Variants in INSM2 observed in about 807,000 individuals in gnomAD.
INSM2 encodes INSM transcriptional repressor 2, also known as insulinoma-associated protein 2.
A neutral mutation model predicts 30.5 loss-of-function variants in INSM2; 12 were observed. The observed-to-expected ratio is 0.39, with a 90% confidence interval of 0.25 to 0.64. The LOEUF (loss-of-function observed/expected upper bound fraction) is 0.64. Ranked by LOEUF, INSM2 falls within the 30% of genes least tolerant of loss-of-function variation. INSM2 has a pLI of 0.47. For synonymous variants in INSM2, 418 were observed against 383.7 expected (o/e 1.09, Z -1.05); for missense variants, 773 against 819.2 (o/e 0.94, Z 0.69).
rs1174389044 is a variant in INSM2, at chr14:35,535,614, T to C, written c.1362T>C (p.Arg454=). 6.8e-6 allele frequency: 11 copies of C among 1,613,112 alleles called. No homozygotes were observed. Among genetic ancestry groups the C allele is most frequent in the Non-Finnish European group, 9.3e-6 (11 of 1,179,986 alleles). ...HLSTHEAGSA[R]ALAPGFGSER... is the part of the protein sequence containing the mutation. ...GCACTCACGAGGCGGGCTCGGCCCG[T>C]GCGCTAGCGCCGGGCTTTGGCTCCG... is the stretch of plus-strand genomic sequence containing the variant. The change falls in exon 1 of 1, where the codon CGT becomes CGC. Residue 454 remains arginine (R), a synonymous_variant. Transcript: ENST00000307169.
Position 35,534,876 on chromosome 14 carries a change from G to T in INSM2, c.624G>T (p.Ala208=). The change falls in exon 1 of 1, where the codon GCG becomes GCT. Residue 208 remains alanine, a synonymous_variant. Transcript: ENST00000307169. Reference sequence around the variant, plus strand: ...GCGGCAAGGCACCCACGGACTGCGCGTCTGGACCCGCGGCCGCGGGAATCA... The same window carrying T: ...GCGGCAAGGCACCCACGGACTGCGCTTCTGGACCCGCGGCCGCGGGAATCA... ...ERRGKAPTDC[A]SGPAAAGIKK... is the part of the protein sequence containing the mutation. 3 of 1,586,918 alleles carry T rather than the reference G, an allele frequency of 1.9e-6. No individual in the cohort carries two copies. The highest frequency in any genetic ancestry group is 2.6e-6 in the Non-Finnish European group (3 of 1,170,590).
chr14:35,535,652 C>T lies in INSM2; in HGVS notation c.1400C>T (p.Pro467Leu). 1 of 1,613,214 alleles carries T rather than the reference C, an allele frequency of 6.2e-7. No individual in the cohort carries two copies. The highest frequency in any genetic ancestry group is 8.5e-7 in the Non-Finnish European group (1 of 1,180,030). The change falls in exon 1 of 1, where the codon CCA (proline) becomes CTA (leucine). Residue 467 changes from proline to leucine, a missense_variant. Pro to Leu is a moderately conservative substitution (Grantham distance 98). Transcript: ENST00000307169. Reference protein sequence around the residue: ...APGFGSERGAPLAFACPLCGA... With the variant: ...APGFGSERGALLAFACPLCGA... The stretch of plus-strand genomic sequence containing the variant: ...GGCTTTGGCTCCGAACGCGGTGCCC[C>T]ACTTGCCTTCGCTTGCCCATTGTGC...
In INSM2 at chr14:35,536,097, TC is replaced by T; in HGVS notation, c.*146del. On this transcript the variant is annotated 3_prime_UTR_variant, in exon 1 of 1. Coordinates refer to ENST00000307169, the MANE Select transcript of INSM2 (RefSeq NM_032594.4). ...CTAAAATTCTCCCTGTAGTCAATGT[TC>T]CACCAGAGGAGCGGACAGTGAAATG... is the stretch of plus-strand genomic sequence containing the variant. 2.0e-6 allele frequency: 2 copies of T among 991,990 alleles called. No homozygotes were observed. The highest frequency in any genetic ancestry group is 3.0e-6 in the Non-Finnish European group (2 of 667,626). 61.4% of individuals were successfully genotyped at this position (991,990 alleles called of 1,614,324 possible).
chr14:35,535,095 C>T lies in INSM2; in HGVS notation c.843C>T (p.His281=). ...QYADPFALAQ[H]RCSRIVRVEY... ...CAGACCCCTTCGCGCTGGCCCAGCA[C>T]CGCTGCTCCCGCATCGTGCGCGTAG... The change falls in exon 1 of 1, where the codon CAC becomes CAT. Residue 281 remains histidine (H), a synonymous_variant. Transcript: ENST00000307169. The T allele has an allele frequency of 6.2e-7, 1 of 1,603,266 alleles. No individual in the cohort carries two copies. Among genetic ancestry groups the T allele is most frequent in the Non-Finnish European group, 8.5e-7 (1 of 1,174,332 alleles).
At position 35,534,551 on chromosome 14, in the gene INSM2, A is replaced by G; in HGVS notation, c.299A>G (p.Glu100Gly). 7.2e-7 allele frequency: 1 copy of G among 1,395,640 alleles called. No homozygotes were observed. The highest frequency in any genetic ancestry group is 9.2e-7 in the Non-Finnish European group (1 of 1,085,456). The allele number at this position is 1,395,640 out of a possible 1,614,324, so 86.5% of individuals were successfully genotyped here. The change falls in exon 1 of 1, where the codon GAA (glutamate) becomes GGA (glycine). Residue 100 changes from glutamate (E) to glycine (G), a missense_variant. Glu to Gly is a moderately conservative substitution (Grantham distance 98). Transcript: ENST00000307169. ...GCGGAGTGGCGGGCGGGTGGCAGGG[A>G]AGGTCCCGGGCCCAGCCCCAGCCCC... The part of the protein sequence containing the change: ...EGAEWRAGGR[E>G]GPGPSPSPSP...
At position 35,535,307 on chromosome 14, in the gene INSM2, A is replaced by G. The variant is rs754374977; in HGVS notation, c.1055A>G (p.Glu352Gly). ...GGGGCCATTGCATCTTTTCTGGCGG[A>G]GGGAAAGGAGAACAGCCGAATAGAG... ...DSGAIASFLA[E>G]GKENSRIERT... Residue 352 changes from glutamate (E) to glycine (G), a missense_variant, in exon 1 of 1, where the codon GAG (glutamate) becomes GGG (glycine). Glu to Gly is a moderately conservative substitution (Grantham distance 98, BLOSUM62 -2). Coordinates refer to ENST00000307169, the MANE Select transcript of INSM2 (RefSeq NM_032594.4). 3 of 1,612,208 alleles carry G rather than the reference A, an allele frequency of 1.9e-6. No homozygotes were observed. The African/African-American group carries it at 4.0e-5, about 22-fold the overall frequency.
In INSM2 at chr14:35,535,370, C is replaced by T. The variant is rs768964005; in HGVS notation, c.1118C>T (p.Ser373Phe). The change falls in exon 1 of 1, where the codon TCC becomes TTC. Residue 373 changes from serine to phenylalanine, a missense_variant. Physicochemically the swap from Ser to Phe is radical, Grantham distance 155 (BLOSUM62 -2). Coordinates refer to ENST00000307169, the MANE Select transcript of INSM2 (RefSeq NM_032594.4). ...CAGCACCCGCAGGCCAGGGACAGCT[C>T]CGGGGCGGATCAGCACCCGGACAGC... ...ADQHPQARDS[S>F]GADQHPDSAP... 6.2e-7 allele frequency: 1 copy of T among 1,611,460 alleles called. No individual in the cohort carries two copies. Among genetic ancestry groups the T allele is most frequent in the African/African-American group, 1.3e-5 (1 of 75,034 alleles).
In INSM2 at chr14:35,535,001, C is replaced by A; in HGVS notation, c.749C>A (p.Ser250Tyr). ...KIKEEEPGAPSRGLGGSRTPL... is the reference protein window; with the variant it reads ...KIKEEEPGAPYRGLGGSRTPL... ...AAGGAGGAGGAGCCCGGAGCGCCGTCCCGGGGCTTGGGGGGCAGCCGCACG... is the reference window on the plus strand; with the variant it reads ...AAGGAGGAGGAGCCCGGAGCGCCGTACCGGGGCTTGGGGGGCAGCCGCACG... Residue 250 changes from serine (S) to tyrosine (Y), a missense_variant, in exon 1 of 1, where the codon TCC becomes TAC. Physicochemically the swap from Ser to Tyr is moderately radical, Grantham distance 144. Transcript: ENST00000307169. 6.4e-7 allele frequency: 1 copy of A among 1,570,200 alleles called. No individual in the cohort carries two copies.
chr14:35,534,200 C>G lies in INSM2; in HGVS notation c.-53C>G. On this transcript the variant is annotated 5_prime_UTR_variant, in exon 1 of 1. Coordinates refer to ENST00000307169, the MANE Select transcript of INSM2 (RefSeq NM_032594.4). ...TCTAGTTCATCTGCTGGCCGGCTCT[C>G]AGTCCCCGTGGCGCCCCCTTTCCTC... 6.5e-7 allele frequency: 1 copy of G among 1,543,012 alleles called. No homozygotes were observed. Among genetic ancestry groups the G allele is most frequent in the African/African-American group, 1.4e-5 (1 of 69,526 alleles).
rs147361408 is a variant in INSM2 at position 35,535,438 on chromosome 14, C to A, written c.1186C>A (p.Pro396Thr). 4.0e-4 allele frequency: 639 copies of A among 1,612,242 alleles called. No homozygotes were observed. The highest frequency in any genetic ancestry group is 5.2e-4 in the Non-Finnish European group (610 of 1,179,554). Reference protein sequence around the residue: ...GLQVLTHPEPPLPQGPYTEGV... With the variant: ...GLQVLTHPEPTLPQGPYTEGV... ...CCAGGTGCTGACGCATCCAGAGCCA[C>A]CGCTGCCTCAGGGCCCCTACACGGA... Residue 396 changes from proline (P) to threonine (T), a missense_variant, in exon 1 of 1, where the codon CCG becomes ACG. By Grantham distance (38) the Pro-to-Thr change is conservative (BLOSUM62 -1). Transcript: ENST00000307169.
Position 35,534,335 on chromosome 14 carries a change from T to A in INSM2, c.83T>A (p.Leu28Gln), listed in dbSNP as rs1331844549. ...RVRLAERVFP[L>Q]LGPQGAPPFL... ...CGCCTTGCGGAGCGTGTCTTCCCTC[T>A]GCTGGGGCCCCAGGGGGCGCCGCCC... The change falls in exon 1 of 1, where the codon CTG (leucine) becomes CAG (glutamine). Residue 28 changes from leucine to glutamine, a missense_variant. By Grantham distance (113) the Leu-to-Gln change is moderately radical. Transcript: ENST00000307169. The A allele has an allele frequency of 2.5e-6, 4 of 1,587,178 alleles. No individual in the cohort carries two copies. The Admixed American group carries it at 6.9e-5, about 28-fold the overall frequency.
chr14:35,535,920 G>C lies in INSM2; in HGVS notation c.1668G>C (p.Leu556=). The C allele has an allele frequency of 1.9e-6, 3 of 1,612,088 alleles. No individual in the cohort carries two copies. The highest frequency in any genetic ancestry group is 1.7e-6 in the Non-Finnish European group (2 of 1,179,282). The change falls in exon 1 of 1, where the codon CTG becomes CTC. Residue 556 remains leucine (L), a synonymous_variant. Coordinates refer to ENST00000307169, the MANE Select transcript of INSM2 (RefSeq NM_032594.4). Reference sequence around the variant, plus strand: ...ACCCCTCAGAAAGCCGGCAAGTGCTGCTGCTGCAGATGCCACTGCGGCCTG... The same window carrying C: ...ACCCCTCAGAAAGCCGGCAAGTGCTCCTGCTGCAGATGCCACTGCGGCCTG... ...KCHPSESRQV[L]LLQMPLRPGC
Position 35,535,827 on chromosome 14 carries a change from C to T in INSM2, c.1575C>T (p.Phe525=), listed in dbSNP as rs2053595348. Residue 525 remains phenylalanine, a synonymous_variant, in exon 1 of 1, where the codon TTC becomes TTT. Coordinates refer to ENST00000307169, the MANE Select transcript of INSM2 (RefSeq NM_032594.4). The stretch of plus-strand genomic sequence containing the variant: ...CTGACGGGAGTGCCCAGCAAATTTT[C>T]TCGTGCAAGCACTGCCCGTCCACTT... ...GPSDGSAQQI[F]SCKHCPSTFF... 1 of 1,614,056 alleles carries T rather than the reference C, an allele frequency of 6.2e-7. No individual in the cohort carries two copies. The highest frequency in any genetic ancestry group is 8.5e-7 in the Non-Finnish European group (1 of 1,180,048).
rs1343316972 is a variant in INSM2, at chr14:35,536,281, A to C, written c.*328A>C. On this transcript the variant is annotated 3_prime_UTR_variant, in exon 1 of 1. Coordinates refer to ENST00000307169, the MANE Select transcript of INSM2 (RefSeq NM_032594.4). ...CCTATATGATTTGTAATTCCTATGG[A>C]AAGTCGCGGTGAATGCGTGCATGTC... is the stretch of plus-strand genomic sequence containing the variant. The C allele has an allele frequency of 1.5e-5, 4 of 269,720 alleles. No individual in the cohort carries two copies. Among genetic ancestry groups the C allele is most frequent in the Non-Finnish European group, 2.9e-5 (4 of 135,746 alleles). The allele number at this position is 269,720 out of a possible 1,614,324, so 16.7% of individuals were successfully genotyped here.
chr14:35,534,545 G>A lies in INSM2; in HGVS notation c.293G>A (p.Gly98Asp), dbSNP rs1398025839. Residue 98 changes from glycine (G) to aspartate (D), a missense_variant, in exon 1 of 1, where the codon GGC (glycine) becomes GAC (aspartate). Physicochemically the swap from Gly to Asp is moderately conservative, Grantham distance 94. Coordinates refer to ENST00000307169, the MANE Select transcript of INSM2 (RefSeq NM_032594.4). ...GREGAEWRAG[G>D]REGPGPSPSP... Reference sequence around the variant, plus strand: ...GAAGGCGCGGAGTGGCGGGCGGGTGGCAGGGAAGGTCCCGGGCCCAGCCCC... The same window carrying A: ...GAAGGCGCGGAGTGGCGGGCGGGTGACAGGGAAGGTCCCGGGCCCAGCCCC... The A allele has an allele frequency of 4.3e-6, 6 of 1,395,612 alleles. No individual in the cohort carries two copies. The highest frequency in any genetic ancestry group is 5.5e-6 in the Non-Finnish European group (6 of 1,084,944). The allele number at this position is 1,395,612 out of a possible 1,614,324, so 86.5% of individuals were successfully genotyped here.
Position 35,536,172 on chromosome 14 carries a change from CAA to C in INSM2, c.*221_*222del, listed in dbSNP as rs1330390935. 3.9e-6 allele frequency: 2 copies of C among 509,936 alleles called. No individual in the cohort carries two copies. Among genetic ancestry groups the C allele is most frequent in the East Asian group, 6.6e-5 (2 of 30,122 alleles). The allele number at this position is 509,936 out of a possible 1,614,324, so 31.6% of individuals were successfully genotyped here. A position where few individuals can be genotyped will look rare whatever the true frequency, so the allele number is the denominator to read the frequency against. On this transcript the variant is annotated 3_prime_UTR_variant, in exon 1 of 1. Transcript: ENST00000307169. ...ATGTATATGGTATAAACCTTGAGAT[CAA>C]AGACTGTCAGCTTTAAATCCTTCTC...
Position 35,535,466 on chromosome 14 carries a change from G to GCCCCTACAC in INSM2, c.1214_1215insCCCCTACAC (p.Gly405_Val406insProTyrThr). The GCCCCTACAC allele has an allele frequency of 6.2e-7, 1 of 1,613,120 alleles. No individual in the cohort carries two copies. The highest frequency in any genetic ancestry group is 8.5e-7 in the Non-Finnish European group (1 of 1,179,944). On this transcript the variant is annotated inframe_insertion, in exon 1 of 1. Transcript: ENST00000307169. ...CTGCCTCAGGGCCCCTACACGGAGG[G>GCCCCTACAC]GGTGTTGGGGCGCCGGGTACCTGTG...
rs762800280 is a variant in INSM2, at chr14:35,534,641, G to C, written c.389G>C (p.Ser130Thr). Residue 130 changes from serine to threonine, a missense_variant, in exon 1 of 1, where the codon AGC becomes ACC. Physicochemically the swap from Ser to Thr is moderately conservative, Grantham distance 58. Transcript: ENST00000307169. ...LRRAFLERCL[S>T]SPVSAESFPG... Reference sequence around the variant, plus strand: ...CGGGCGTTCCTGGAGCGCTGCCTCAGCTCGCCCGTCTCCGCCGAGTCTTTC... The same window carrying C: ...CGGGCGTTCCTGGAGCGCTGCCTCACCTCGCCCGTCTCCGCCGAGTCTTTC... The C allele has an allele frequency of 7.0e-7, 1 of 1,426,798 alleles. No individual in the cohort carries two copies. The highest frequency in any genetic ancestry group is 9.1e-7 in the Non-Finnish European group (1 of 1,102,520). The allele number at this position is 1,426,798 out of a possible 1,614,324, so 88.4% of individuals were successfully genotyped here.
In INSM2 at chr14:35,534,509, C is replaced by A; in HGVS notation, c.257C>A (p.Thr86Lys). Residue 86 changes from threonine to lysine, a missense_variant, in exon 1 of 1, where the codon ACG becomes AAG. Physicochemically the swap from Thr to Lys is moderately conservative, Grantham distance 78. Coordinates refer to ENST00000307169, the MANE Select transcript of INSM2 (RefSeq NM_032594.4). ...CGGGCGGCTGGGGTGAGCCCGGGGACGGGCGGGCGGGAAGGCGCGGAGTGG... is the reference window on the plus strand; with the variant it reads ...CGGGCGGCTGGGGTGAGCCCGGGGAAGGGCGGGCGGGAAGGCGCGGAGTGG... ...PCRAAGVSPG[T>K]GGREGAEWRA... 7.1e-7 allele frequency: 1 copy of A among 1,407,844 alleles called. No individual in the cohort carries two copies. The highest frequency in any genetic ancestry group is 9.2e-7 in the Non-Finnish European group (1 of 1,086,850). The allele number at this position is 1,407,844 out of a possible 1,614,324, so 87.2% of individuals were successfully genotyped here.
Sources: gnomAD v4.1 joint callset for allele counts on GRCh38, gnomAD v4.1.1 for gene constraint, MANE v1.5 for transcripts, NCBI Gene and HGNC (gene_info 2026-07-23, HGNC 2026-07-21) for gene names.